Variants in TBC1D1 observed in about 807,000 individuals in gnomAD.
The protein encoded by TBC1D1 is TBC1 domain family member 1.
Under a neutral mutation model 125.6 loss-of-function variants are expected in TBC1D1, and 89 were observed. The ratio of observed to expected loss-of-function variants is 0.71; its 90% CI spans 0.60 to 0.85. The LOEUF (loss-of-function observed/expected upper bound fraction) is 0.85, where lower values mean the gene tolerates loss of function less well. Among genes scored for constraint, TBC1D1 ranks in the 40% least tolerant of loss-of-function variants. TBC1D1 has a pLI of 0.00. For synonymous variants in TBC1D1, 565 were observed against 564.1 expected (o/e 1.00, Z -0.02); for missense variants, 1,377 against 1,469.2 (o/e 0.94, Z 1.03).
intron 4 of TBC1D1, among the ~76,000 whole-genome samples, chr4:38,020,180 G>T (rs1247528238): frequency 1.3e-5 from 2 of 152,122 alleles, no homozygotes; most frequent in East Asian, 3.8e-4. Context: ...TAATTTCCTA[G>T]TGTTTTTTAA....
chr4:38,009,347 C>T (rs1486925260), intron 2 of TBC1D1, among the ~76,000 whole-genome samples: 10 of 152,078 alleles, frequency 6.6e-5, no homozygotes, highest in Admixed American at 2.0e-4. Flanking sequence ...CATCATATAA[C>T]GGGAAAAATG....
At chr4:37,981,042 A>C (rs1191038319) in intron 2 of TBC1D1, among the ~76,000 whole-genome samples, 2 of 151,910 alleles carry the variant, frequency 1.3e-5, no homozygotes, top group East Asian at 3.9e-4. Flanking sequence ...TCCTGGGTTC[A>C]AGTGCTCCTC....
chr4:37,934,589 T>C (rs1723990138), intron 2 of TBC1D1, among the ~76,000 whole-genome samples: 1 of 151,470 alleles, frequency 6.6e-6, no homozygotes, highest in Non-Finnish European at 1.5e-5. Context: ...GATAGAAGAG[T>C]GGGCAGAAAA....
intron 6 of TBC1D1, 54 bp from the exon 7 acceptor site, chr4:38,027,734 A>C: frequency 8.4e-7 from 1 of 1,190,496 alleles, no homozygotes; most frequent in Non-Finnish European, 1.2e-6. Flanking sequence ...TTAACTCCCT[A>C]TCTCACAACT....
At chr4:38,112,781 G>A (rs1295965593) in intron 15 of TBC1D1, among the ~76,000 whole-genome samples, 1 of 152,204 alleles carries the variant, frequency 6.6e-6, no homozygotes, top group Non-Finnish European at 1.5e-5. Flanking sequence ...AGGGACTATG[G>A]AGCAGAACTG....
intron 11 of TBC1D1, among the ~76,000 whole-genome samples, chr4:38,051,382 A>T (rs1750514653): frequency 6.6e-6 from 1 of 152,202 alleles, no homozygotes; most frequent in Non-Finnish European, 1.5e-5. Flanking sequence ...TTTTAAAGGG[A>T]AATGTATTTT....
chr4:38,035,689 G>A lies in TBC1D1; in HGVS notation c.1404G>A (p.Glu468=), dbSNP rs775598394. Residue 468 remains glutamate (E), a synonymous_variant, in exon 8 of 20, where the codon GAG becomes GAA. Transcript: ENST00000261439. ...AGAAAGAACACATCCATATTGGGGA[G>A]ATGAAGCAGGTATGGCATTTTTGTC... The A allele has an allele frequency of 6.2e-7, 1 of 1,608,988 alleles. No homozygotes were observed. Among genetic ancestry groups the A allele is most frequent in the Admixed American group, 1.7e-5 (1 of 59,636 alleles).
At chr4:38,013,247 A>G (rs1334444428) in intron 2 of TBC1D1, among the ~76,000 whole-genome samples, 2 of 152,242 alleles carry the variant, frequency 1.3e-5, no homozygotes, top group African/African-American at 4.8e-5. Flanking sequence ...GGTGTATTTG[A>G]TATGAAGTCA....
intron 4 of TBC1D1, among the ~76,000 whole-genome samples, chr4:38,018,969 T>A (rs1241990568): frequency 6.6e-6 from 1 of 152,138 alleles, no homozygotes; most frequent in Non-Finnish European, 1.5e-5. Flanking sequence ...ATAACTTTTT[T>A]AGGTACCAAT....
At chr4:38,107,303 C>T (rs1227520693) in intron 15 of TBC1D1, among the ~76,000 whole-genome samples, 1 of 152,226 alleles carries the variant, frequency 6.6e-6, no homozygotes, top group Non-Finnish European at 1.5e-5. Context: ...CACCTGTTAC[C>T]TCCCCCACTC....
intron 12 of TBC1D1, among the ~76,000 whole-genome samples, chr4:38,066,651 G>C (rs1460784344): frequency 6.6e-6 from 1 of 151,956 alleles, no homozygotes; most frequent in Non-Finnish European, 1.5e-5. Flanking sequence ...TTGAATGAAA[G>C]AGCAGACATC....
In TBC1D1 at chr4:38,027,777, T is replaced by C. The variant is rs1179018008; in HGVS notation, c.1211-11T>C. The C allele has an allele frequency of 1.3e-6, 2 of 1,599,328 alleles. No homozygotes were observed. Among genetic ancestry groups the C allele is most frequent in the African/African-American group, 2.7e-5 (2 of 73,934 alleles). ...AGAATTTTTTCATGCCTCTCTTTTT[T>C]CTCTTAATAGGAATGAATTCTTCCA... On this transcript the variant is annotated splice_polypyrimidine_tract_variant and intron_variant, in intron 6 of 19. Coordinates refer to ENST00000261439, the MANE Select transcript of TBC1D1 (RefSeq NM_015173.4).
intron 2 of TBC1D1, among the ~76,000 whole-genome samples, chr4:38,012,429 C>G (rs777424368): frequency 2.6e-5 from 4 of 152,148 alleles, no homozygotes; most frequent in Non-Finnish European, 5.9e-5. Context: ...CGCACACCAC[C>G]TTGGCTGGCT....
At chr4:38,088,436 G>A (rs1457523014) in intron 12 of TBC1D1, among the ~76,000 whole-genome samples, 2 of 152,260 alleles carry the variant, frequency 1.3e-5, no homozygotes, top group African/African-American at 4.8e-5. Context: ...AACAGTACAT[G>A]TAAACCAATA....
At chr4:37,925,557 A>C (rs1721909839) in intron 2 of TBC1D1, among the ~76,000 whole-genome samples, 1 of 152,004 alleles carries the variant, frequency 6.6e-6, no homozygotes, top group Non-Finnish European at 1.5e-5. Flanking sequence ...CTCTACTAAA[A>C]ATACAAAAAT....
chr4:37,896,438 C>T (rs993005419), intron 1 of TBC1D1, among the ~76,000 whole-genome samples: 1 of 152,166 alleles, frequency 6.6e-6, no homozygotes, highest in African/African-American at 2.4e-5. Context: ...ATGTACCTCC[C>T]CCACATTTTT....
Position 38,014,209 on chromosome 4 carries a change from G to C in TBC1D1, c.418-300G>C, listed in dbSNP as rs929002445. 3.9e-5 allele frequency among the ~76,000 whole-genome samples: 6 copies of C among 152,130 alleles called. No homozygotes were observed. Among genetic ancestry groups the C allele is most frequent in the African/African-American group, 1.4e-4 (6 of 41,424 alleles). On this transcript the variant is annotated intron_variant, in intron 2 of 19. Coordinates refer to ENST00000261439, the MANE Select transcript of TBC1D1 (RefSeq NM_015173.4). This position sits in a 1 kb window ranked among gnomAD's most constrained non-coding sequence, Gnocchi z 5.1. ...CTAGGTTGGGCTGTGTGTGTTCCCGGGCTGGTGGTTTAACCTTGCAGGGTG... is the reference window on the plus strand; with the variant it reads ...CTAGGTTGGGCTGTGTGTGTTCCCGCGCTGGTGGTTTAACCTTGCAGGGTG...
intron 2 of TBC1D1, among the ~76,000 whole-genome samples, chr4:37,931,194 C>G (rs1254272955): frequency 2.0e-5 from 3 of 152,104 alleles, no homozygotes; most frequent in Non-Finnish European, 4.4e-5. Context: ...CCTCTGCCTC[C>G]CAGGTTCAAG....
chr4:38,012,285 G>A (rs1044922627), intron 2 of TBC1D1, among the ~76,000 whole-genome samples: 2 of 152,090 alleles, frequency 1.3e-5, no homozygotes, highest in African/African-American at 4.8e-5. Flanking sequence ...TTTTGTTGTT[G>A]TTGTTGTTTT....
Sources: gnomAD v4.1 joint callset for allele counts (sites outside exome capture counted in the v4.1 genomes callset) on GRCh38, gnomAD v4.1.1 for gene constraint, Gnocchi (gnomAD v3.1) non-coding constraint, MANE v1.5 for transcripts, NCBI Gene and HGNC (gene_info 2026-07-23, HGNC 2026-07-21) for gene names.